Variants in PWWP3B observed in about 807,000 individuals in gnomAD.
The protein encoded by PWWP3B is PWWP domain-containing DNA repair factor 3B.
PWWP3B carries 5 observed loss-of-function variants against 15.7 expected under a neutral mutation model. That is an observed-to-expected ratio of 0.32 (90% CI 0.17 to 0.67). The LOEUF is 0.67. Ranked by LOEUF, PWWP3B falls within the 30% of genes least tolerant of loss-of-function variation. The probability of loss-of-function intolerance (pLI) is 0.74; values close to 1 mark genes in which losing one functional copy is unlikely to be tolerated. For missense variants in PWWP3B, 519 were observed against 493.1 expected, an observed-to-expected ratio of 1.05 and a Z score of -0.50; for synonymous variants, 203 against 179.8, an observed-to-expected ratio of 1.13 and a Z score of -1.03.
At position 106,208,806 on chromosome X, in the gene PWWP3B, T is replaced by C. The variant is rs1924188701; in HGVS notation, c.*1283T>C. ...TTGGAAACCTGCCGTGAAAGGAAAT[T>C]CTAAAGGCTTAACATGAAACTGTCT... On this transcript the variant is annotated 3_prime_UTR_variant, in exon 4 of 4. Coordinates refer to ENST00000357175, the MANE Select transcript of PWWP3B (RefSeq NM_001171020.2). 8.1e-6 allele frequency: 1 copy of C among 123,669 alleles called. No individual in the cohort carries two copies. The highest frequency in any genetic ancestry group is 1.9e-5 in the Non-Finnish European group (1 of 53,378). The allele number at this position is 123,669 out of a possible 1,213,427, so 10.2% of individuals were successfully genotyped here.
rs1332910131 is a variant in PWWP3B at position 106,189,464 on chromosome X, A to G, written c.-400-14521A>G. On this transcript the variant is annotated intron_variant, in intron 2 of 3. Coordinates refer to ENST00000357175, the MANE Select transcript of PWWP3B (RefSeq NM_001171020.2). ...TCTCATTGTTCAATTCCCACCTATGAGTGAGAACATGCAGTGTTTGGTTTT... is the reference window on the plus strand; with the variant it reads ...TCTCATTGTTCAATTCCCACCTATGGGTGAGAACATGCAGTGTTTGGTTTT... 3.7e-5 allele frequency among the ~76,000 whole-genome samples: 4 copies of G among 109,455 alleles called. No individual in the cohort carries two copies. The Admixed American group carries it at 3.9e-4, about 11-fold the overall frequency.
rs1923952917 is a variant in PWWP3B at position 106,205,642 on chromosome X, A to G, written c.210A>G (p.Leu70=). Reference sequence around the variant, plus strand: ...AAATTGAAGCCATTGCTGCCTCATTAGGACTACAGTCAGAGGACAGTGCTC... The same window carrying G: ...AAATTGAAGCCATTGCTGCCTCATTGGGACTACAGTCAGAGGACAGTGCTC... ...KSQIEAIAAS[L]GLQSEDSAPP... Residue 70 remains leucine, a synonymous_variant, in exon 4 of 4, where the codon TTA becomes TTG. Coordinates refer to ENST00000357175, the MANE Select transcript of PWWP3B (RefSeq NM_001171020.2). 2 of 1,209,008 alleles carry G rather than the reference A, an allele frequency of 1.7e-6. No individual in the cohort carries two copies. The highest frequency in any genetic ancestry group is 1.7e-5 in the African/African-American group (1 of 57,360).
At chrX:106,189,712 G>C (rs1395260950) in intron 2 of PWWP3B, among the ~76,000 whole-genome samples, 11 of 104,910 alleles carry the variant, frequency 1.0e-4, no homozygotes, top group East Asian at 3.0e-4. Flanking sequence ...CTGCCTCCCG[G>C]GTTCACGCCA....
intron 2 of PWWP3B, among the ~76,000 whole-genome samples, chrX:106,196,560 A>C (rs1244225356): frequency 4.5e-5 from 5 of 111,072 alleles, no homozygotes; most frequent in Admixed American, 3.8e-4. Context: ...TTTTTTCTCC[A>C]TTTTAGTCTG....
chrX:106,193,817 A>G (rs1006670960), intron 2 of PWWP3B, among the ~76,000 whole-genome samples: 5 of 112,051 alleles, frequency 4.5e-5, no homozygotes, highest in African/African-American at 1.6e-4. Context: ...TTGGCTGGAT[A>G]TGAGATTCTG....
intron 2 of PWWP3B, among the ~76,000 whole-genome samples, chrX:106,183,775 C>T (rs1047915070): frequency 8.9e-6 from 1 of 111,976 alleles, no homozygotes; most frequent in East Asian, 2.8e-4. Flanking sequence ...AATTTCCTGG[C>T]CCTCAATGGT....
At chrX:106,192,002 C>A (rs1050826619) in intron 2 of PWWP3B, among the ~76,000 whole-genome samples, 2 of 111,325 alleles carry the variant, frequency 1.8e-5, no homozygotes, top group African/African-American at 6.5e-5. Context: ...CTAAAATTGT[C>A]TTTTTTGGTT....
rs1240619620 is a variant in PWWP3B, at chrX:106,187,941, A to G, written c.-400-16044A>G. ...AGCTTCTGCTTTTAACTGGGTACAT[A>G]TTCTTAACTATATCATTATCTCCAG... On this transcript the variant is annotated intron_variant, in intron 2 of 3. Coordinates refer to ENST00000357175, the MANE Select transcript of PWWP3B (RefSeq NM_001171020.2). 2.7e-5 allele frequency among the ~76,000 whole-genome samples: 3 copies of G among 111,816 alleles called. No individual in the cohort carries two copies. In the Admixed American group the frequency reaches 2.9e-4, roughly 11 times the overall value.
Position 106,205,337 on chromosome X carries a change from TAA to T in PWWP3B, c.-95_-94del. ...AGTCATAAGACGAAAGAGGATTTGTTAAGAGTATTGTTTTGGGTAGAACTTGC... is the reference window on the plus strand; with the variant it reads ...AGTCATAAGACGAAAGAGGATTTGTTGAGTATTGTTTTGGGTAGAACTTGC... On this transcript the variant is annotated 5_prime_UTR_variant, in exon 4 of 4. Coordinates refer to ENST00000357175, the MANE Select transcript of PWWP3B (RefSeq NM_001171020.2). 2.4e-6 allele frequency: 2 copies of T among 826,507 alleles called. No individual in the cohort carries two copies. Among genetic ancestry groups the T allele is most frequent in the Non-Finnish European group, 3.3e-6 (2 of 600,906 alleles). 68.1% of individuals were successfully genotyped at this position (826,507 alleles called of 1,213,427 possible). A position where few individuals can be genotyped will look rare whatever the true frequency, so the allele number is the denominator to read the frequency against.
intron 2 of PWWP3B, among the ~76,000 whole-genome samples, chrX:106,200,218 C>T (rs1255796536): frequency 9.0e-6 from 1 of 111,634 alleles, no homozygotes; most frequent in African/African-American, 3.3e-5. Context: ...ATGGTAGAGC[C>T]ACAGGATGGA....
intron 3 of PWWP3B, among the ~76,000 whole-genome samples, chrX:106,204,418 G>A (rs192673048): frequency 3.6e-4 from 40 of 111,997 alleles, no homozygotes; most frequent in African/African-American, 1.2e-3. Flanking sequence ...CTTTTTAAAC[G>A]ATTATAAAGA....
At position 106,205,644 on chromosome X, in the gene PWWP3B, G is replaced by C. The variant is rs1456524763; in HGVS notation, c.212G>C (p.Gly71Ala). 8.3e-7 allele frequency: 1 copy of C among 1,210,630 alleles called. No individual in the cohort carries two copies. Among genetic ancestry groups the C allele is most frequent in the East Asian group, 3.0e-5 (1 of 33,857 alleles). Residue 71 changes from glycine to alanine, a missense_variant, in exon 4 of 4, where the codon GGA becomes GCA. Gly to Ala is a moderately conservative substitution (Grantham distance 60). Coordinates refer to ENST00000357175, the MANE Select transcript of PWWP3B (RefSeq NM_001171020.2). The part of the protein sequence containing the change: ...SQIEAIAASL[G>A]LQSEDSAPPT... ...ATTGAAGCCATTGCTGCCTCATTAG[G>C]ACTACAGTCAGAGGACAGTGCTCCA... is the stretch of plus-strand genomic sequence containing the variant.
chrX:106,180,898 G>T (rs1224283177), intron 2 of PWWP3B, among the ~76,000 whole-genome samples: 1 of 111,971 alleles, frequency 8.9e-6, no homozygotes, highest in African/African-American at 3.3e-5. Flanking sequence ...AGCACTAGTT[G>T]TTCCTCCAGT....
chrX:106,170,888 A>G (rs1921580298), intron 1 of PWWP3B, 124 bp from the exon 2 acceptor site: 1 of 112,250 alleles, frequency 8.9e-6, no homozygotes, highest in Admixed American at 9.5e-5. Flanking sequence ...AGGAAAATAG[A>G]TGGCATCTAC....
intron 1 of PWWP3B, among the ~76,000 whole-genome samples, chrX:106,170,446 T>C (rs910792683): frequency 1.8e-5 from 2 of 112,109 alleles, no homozygotes; most frequent in African/African-American, 6.5e-5. Context: ...GTATAACACA[T>C]GCACAGAACT....
At chrX:106,191,383 A>T (rs1394332787) in intron 2 of PWWP3B, among the ~76,000 whole-genome samples, 1 of 111,597 alleles carries the variant, frequency 9.0e-6, no homozygotes. Flanking sequence ...ATTTTTGTAC[A>T]TTGATTTTGT....
intron 2 of PWWP3B, among the ~76,000 whole-genome samples, chrX:106,199,973 C>A (rs1201367438): frequency 1.8e-5 from 2 of 111,737 alleles, no homozygotes; most frequent in South Asian, 3.7e-4. Flanking sequence ...GAGAACGCTA[C>A]ATGTTTGTCA....
At chrX:106,183,021 C>T (rs111652658) in intron 2 of PWWP3B, among the ~76,000 whole-genome samples, 9,323 of 110,426 alleles carry the variant, frequency 0.084, 991 homozygotes, top group African/African-American at 0.29. Flanking sequence ...CCTGAGCTGA[C>T]GGTCCTGCAG....
In PWWP3B at chrX:106,206,040, A is replaced by T; in HGVS notation, c.608A>T (p.Asn203Ile). Reference protein sequence around the residue: ...CETFPSLSEDNDEKENKNKID... With the variant: ...CETFPSLSEDIDEKENKNKID... ...ACTTTCCCTTCACTTTCGGAAGATA[A>T]TGATGAAAAAGAGAACAAGAATAAG... The change falls in exon 4 of 4, where the codon AAT becomes ATT. Residue 203 changes from asparagine to isoleucine, a missense_variant. Physicochemically the swap from Asn to Ile is moderately radical, Grantham distance 149. Coordinates refer to ENST00000357175, the MANE Select transcript of PWWP3B (RefSeq NM_001171020.2). 1 of 1,209,762 alleles carries T rather than the reference A, an allele frequency of 8.3e-7. No individual in the cohort carries two copies. Among genetic ancestry groups the T allele is most frequent in the Non-Finnish European group, 1.1e-6 (1 of 894,383 alleles).
Sources: allele counts gnomAD v4.1 joint callset (sites outside exome capture counted in the v4.1 genomes callset), GRCh38; gene constraint gnomAD v4.1.1; transcripts MANE v1.5; gene names NCBI Gene and HGNC (gene_info 2026-07-23, HGNC 2026-07-21).